MTSS1: variants seen among roughly 807,000 people sequenced by gnomAD.
The protein encoded by MTSS1 is MTSS I-BAR domain containing 1, also known as protein MTSS 1.
MTSS1 carries 18 observed loss-of-function variants against 79.0 expected under a neutral mutation model. The observed-to-expected ratio is 0.23, with a 90% CI of 0.16 to 0.34. MTSS1 has a LOEUF of 0.34. MTSS1 is among the 10% of genes least tolerant of loss of function. MTSS1 has a pLI of 1.00. For synonymous variants in MTSS1, 341 were observed against 368.6 expected, an observed-to-expected ratio of 0.93 and a Z score of 0.86; for missense variants, 815 against 986.2, an observed-to-expected ratio of 0.83 and a Z score of 2.33.
rs13278026 is a variant in MTSS1 at position 124,683,175 on chromosome 8, A to C, written c.208+16351T>G. The stretch of plus-strand genomic sequence containing the variant: ...AAGTAAGCAAAAAAAAAAGAAAAAA[A>C]GTTTCTTATACACAAATGTTTTAAC... On this transcript the variant is annotated intron_variant, in intron 3 of 13. Transcript: ENST00000518547. This position sits in a 1 kb window ranked among gnomAD's most constrained non-coding sequence, Gnocchi z 4.5. Among the ~76,000 whole-genome samples the C allele has an allele frequency of 0.39, 58,887 of 151,866 alleles. 11,900 individuals carry two copies. Among genetic ancestry groups the C allele is most frequent in the Middle Eastern group, 0.49 (143 of 292 alleles).
chr8:124,654,637 C>G (rs1030657003), intron 3 of MTSS1, among the ~76,000 whole-genome samples: 2 of 152,178 alleles, frequency 1.3e-5, no homozygotes, highest in Non-Finnish European at 2.9e-5. Flanking sequence ...CTGATCCTAA[C>G]CCAGCGTAAT....
At chr8:124,565,089 A>G (rs1314584808) in intron 9 of MTSS1, among the ~76,000 whole-genome samples, 2 of 152,254 alleles carry the variant, frequency 1.3e-5, no homozygotes, top group Non-Finnish European at 2.9e-5. Context: ...GCTAGACAAC[A>G]GTTTTGCAGA....
At chr8:124,605,302 A>G (rs963078000) in intron 3 of MTSS1, among the ~76,000 whole-genome samples, 10 of 152,200 alleles carry the variant, frequency 6.6e-5, no homozygotes, top group Non-Finnish European at 1.2e-4. Flanking sequence ...TGCAGAAACC[A>G]CATGTCATTT....
chr8:124,594,811 A>G (rs1296691493), intron 3 of MTSS1, among the ~76,000 whole-genome samples: 2 of 152,214 alleles, frequency 1.3e-5, no homozygotes, highest in Non-Finnish European at 2.9e-5. Context: ...AAATAGGTCC[A>G]TCTGTGGAAG....
chr8:124,556,402 A>T lies in MTSS1; in HGVS notation c.1234T>A (p.Trp412Arg). Reference sequence around the variant, plus strand: ...TGGTCATAGGGCCCAGGCTTAGCCCAGTCCTATGCAAAACAAGTGCGGTCA... The same window carrying T: ...TGGTCATAGGGCCCAGGCTTAGCCCTGTCCTATGCAAAACAAGTGCGGTCA... ...PSSQIPSWKD[W>R]AKPGPYDQPL... Residue 412 changes from tryptophan (W) to arginine (R), a missense_variant, in exon 12 of 14, where the codon TGG (tryptophan) becomes AGG (arginine). Transcript: ENST00000518547. 6.2e-7 allele frequency: 1 copy of T among 1,608,932 alleles called. No individual in the cohort carries two copies. Among genetic ancestry groups the T allele is most frequent in the Admixed American group, 1.7e-5 (1 of 59,542 alleles).
intron 3 of MTSS1, among the ~76,000 whole-genome samples, chr8:124,660,786 C>A (rs1355449478): frequency 2.0e-5 from 3 of 152,210 alleles, no homozygotes; most frequent in African/African-American, 7.2e-5. Context: ...TGCCCCTCAA[C>A]TCTCCCATGC....
intron 1 of MTSS1, among the ~76,000 whole-genome samples, chr8:124,724,335 G>A (rs1370781452): frequency 2.0e-5 from 3 of 152,180 alleles, no homozygotes; most frequent in Non-Finnish European, 4.4e-5. Flanking sequence ...GCAAACACAG[G>A]TGGGGGGCGG....
chr8:124,574,784 T>G (rs1264464946), intron 6 of MTSS1, among the ~76,000 whole-genome samples: 2 of 152,202 alleles, frequency 1.3e-5, no homozygotes, highest in African/African-American at 2.4e-5. Flanking sequence ...CCCCAAGTCC[T>G]TTCTTTCTTC....
At chr8:124,711,458 C>A (rs191280933) in intron 1 of MTSS1, among the ~76,000 whole-genome samples, 1 of 152,288 alleles carries the variant, frequency 6.6e-6, no homozygotes, top group African/African-American at 2.4e-5. Flanking sequence ...CCCAAGTGTT[C>A]CCTGATTCTG....
At chr8:124,557,948 A>G in intron 10 of MTSS1, 73 bp from the exon 11 acceptor site, 4 of 1,224,530 alleles carry the variant, frequency 3.3e-6, no homozygotes, top group East Asian at 2.6e-5. Flanking sequence ...GAGATACAAA[A>G]TGGCATTGAC....
chr8:124,653,709 G>A (rs1268269134), intron 3 of MTSS1, among the ~76,000 whole-genome samples: 1 of 151,402 alleles, frequency 6.6e-6, no homozygotes, highest in Non-Finnish European at 1.5e-5. Flanking sequence ...GGGCAACAGA[G>A]CAAGACTCCA....
rs1822744845 is a variant in MTSS1, at chr8:124,552,850, A to G, written c.*142T>C. 3 of 738,308 alleles carry G rather than the reference A, an allele frequency of 4.1e-6. No individual in the cohort carries two copies. The East Asian group carries it at 8.1e-5, about 20-fold the overall frequency. 45.7% of individuals were successfully genotyped at this position (738,308 alleles called of 1,614,324 possible). On this transcript the variant is annotated 3_prime_UTR_variant, in exon 14 of 14. Transcript: ENST00000518547. ...CATAGGTTGGTTTTAATTCTTATCT[A>G]AAGGTGTCGAGTACTTTCAAAAGAG...
rs944535726 is a variant in MTSS1, at chr8:124,582,926, C to G, written c.460+2161G>C. On this transcript the variant is annotated intron_variant, in intron 6 of 13. Transcript: ENST00000518547. This position sits in a 1 kb window ranked among gnomAD's most constrained non-coding sequence, Gnocchi z 4.8. Reference sequence around the variant, plus strand: ...AAAAGATTCCAGTCCGAATGTGACTCTAGTACCTTTCAGAAGGCTGCTTTC... The same window carrying G: ...AAAAGATTCCAGTCCGAATGTGACTGTAGTACCTTTCAGAAGGCTGCTTTC... Among the ~76,000 whole-genome samples the G allele has an allele frequency of 6.6e-6, 1 of 152,218 alleles. No individual in the cohort carries two copies. Among genetic ancestry groups the G allele is most frequent in the Admixed American group, 6.5e-5 (1 of 15,284 alleles).
chr8:124,727,440 T>A lies in MTSS1; in HGVS notation c.72+444A>T. The A allele has an allele frequency of 2.4e-6, 1 of 417,186 alleles. No homozygotes were observed. Among genetic ancestry groups the A allele is most frequent in the Non-Finnish European group, 4.8e-6 (1 of 208,862 alleles). 25.8% of individuals were successfully genotyped at this position (417,186 alleles called of 1,614,324 possible). On this transcript the variant is annotated intron_variant, in intron 1 of 13. Transcript: ENST00000518547. This position sits in a 1 kb window ranked among gnomAD's most constrained non-coding sequence, Gnocchi z 4.7. ...CAGTCTCCTAGGCTAGGGGACTCCT[T>A]CCTGCGAGCGGGCAGAGCCCCCACT...
At chr8:124,571,856 G>T (rs530882604) in intron 6 of MTSS1, among the ~76,000 whole-genome samples, 498 of 152,262 alleles carry the variant, frequency 3.3e-3, no homozygotes, top group African/African-American at 0.011. Flanking sequence ...CCCAGCCACT[G>T]GGGAGGCTGA....
chr8:124,645,452 G>C (rs1818837021), intron 3 of MTSS1, among the ~76,000 whole-genome samples: 2 of 152,138 alleles, frequency 1.3e-5, no homozygotes, highest in African/African-American at 4.8e-5. Context: ...TGAATGTTGG[G>C]TGGCTAGTCC....
intron 1 of MTSS1, among the ~76,000 whole-genome samples, chr8:124,724,191 C>T (rs1427392889): frequency 6.6e-6 from 1 of 152,226 alleles, no homozygotes; most frequent in Non-Finnish European, 1.5e-5. Flanking sequence ...CCACTACCCA[C>T]ATTCTCCATC....
At chr8:124,675,362 G>A (rs1344801405) in intron 3 of MTSS1, among the ~76,000 whole-genome samples, 3 of 152,236 alleles carry the variant, frequency 2.0e-5, no homozygotes, top group Non-Finnish European at 4.4e-5. Context: ...TCCCCTATGT[G>A]TAAAGGTGTG....
chr8:124,688,308 ATGTG>A (rs1448809887), intron 3 of MTSS1, among the ~76,000 whole-genome samples: 6 of 147,462 alleles, frequency 4.1e-5, no homozygotes, highest in Non-Finnish European at 7.4e-5. Flanking sequence ...TTGTGAATGT[ATGTG>A]TATGTGTACA....
Sources: allele counts gnomAD v4.1 joint callset (sites outside exome capture counted in the v4.1 genomes callset), GRCh38; gene constraint gnomAD v4.1.1; non-coding constraint Gnocchi (gnomAD v3.1); transcripts MANE v1.5; gene names NCBI Gene and HGNC (gene_info 2026-07-23, HGNC 2026-07-21).